ALK: variants seen among roughly 807,000 people sequenced by gnomAD.
The protein encoded by ALK is ALK tyrosine kinase receptor.
ALK carries 74 observed loss-of-function variants against 163.1 expected under a neutral mutation model. The observed-to-expected ratio is 0.45, with a 90% confidence interval of 0.38 to 0.55. The LOEUF (loss-of-function observed/expected upper bound fraction) is 0.55. ALK is among the 20% of genes least tolerant of loss of function. The probability of loss-of-function intolerance (pLI) is 0.00; values close to 1 mark genes in which losing one functional copy is unlikely to be tolerated. For missense variants in ALK, 2,063 were observed against 2,105.3 expected, an observed-to-expected ratio of 0.98 and a Z score of 0.39; for synonymous variants, 960 against 843.2, an observed-to-expected ratio of 1.14 and a Z score of -2.40.
chr2:29,232,233 T>G, intron 15 of ALK, 71 bp downstream of exon 15: 2 of 1,586,848 alleles, frequency 1.3e-6, no homozygotes, highest in Non-Finnish European at 1.7e-6. Flanking sequence ...CCCTCAGGCA[T>G]GCGATGGCAT....
At chr2:29,284,118 T>C (rs752048782) in intron 9 of ALK, among the ~76,000 whole-genome samples, 1 of 151,992 alleles carries the variant, frequency 6.6e-6, no homozygotes, top group Non-Finnish European at 1.5e-5. Context: ...TAATGAAAAG[T>C]CTTGGAGAAT....
intron 1 of ALK, among the ~76,000 whole-genome samples, chr2:29,859,071 G>C (rs1291430094): frequency 7.4e-6 from 1 of 135,158 alleles, no homozygotes; most frequent in Non-Finnish European, 1.6e-5. Flanking sequence ...CAAAAGTTCT[G>C]ACCCAGTTGA....
At chr2:29,245,698 C>T (rs1664650674) in intron 12 of ALK, among the ~76,000 whole-genome samples, 2 of 137,678 alleles carry the variant, frequency 1.5e-5, no homozygotes, top group Non-Finnish European at 3.1e-5. Flanking sequence ...CTTTATGGCT[C>T]AATGCCCTGC....
At chr2:29,285,937 A>G (rs1308615040) in intron 9 of ALK, among the ~76,000 whole-genome samples, 1 of 152,120 alleles carries the variant, frequency 6.6e-6, no homozygotes, top group Admixed American at 6.5e-5. Flanking sequence ...TCTCTCCCAA[A>G]AAGATTTCTC....
At chr2:29,266,381 T>C (rs1272118694) in intron 11 of ALK, among the ~76,000 whole-genome samples, 1 of 152,252 alleles carries the variant, frequency 6.6e-6, no homozygotes, top group African/African-American at 2.4e-5. Context: ...TACACAAAAG[T>C]GTGCACAACT....
chr2:29,507,369 G>C (rs1187003802), intron 4 of ALK, among the ~76,000 whole-genome samples: 1 of 152,176 alleles, frequency 6.6e-6, no homozygotes, highest in Non-Finnish European at 1.5e-5. Flanking sequence ...CCTGGGGTTG[G>C]AGGTAGGGGG....
chr2:29,887,043 GT>G (rs1254078366), intron 1 of ALK, among the ~76,000 whole-genome samples: 1 of 152,162 alleles, frequency 6.6e-6, no homozygotes, highest in African/African-American at 2.4e-5. Context: ...GTTTTGTCCA[GT>G]GCTTTCACAT....
At chr2:29,654,080 T>C (rs1339377652) in intron 3 of ALK, among the ~76,000 whole-genome samples, 1 of 152,084 alleles carries the variant, frequency 6.6e-6, no homozygotes, top group African/African-American at 2.4e-5. Flanking sequence ...AATAATAATA[T>C]ACAGAATTGT....
Position 29,800,781 on chromosome 2 carries a change from G to A in ALK, c.668-83084C>T, listed in dbSNP as rs572619542. On this transcript the variant is annotated intron_variant, in intron 1 of 28. Coordinates refer to ENST00000389048, the MANE Select transcript of ALK (RefSeq NM_004304.5). ...CCACCAAGGTAAAACAGGCAGAGAG[G>A]AAGAACCACAATATTCCCAACGCAT... is the stretch of plus-strand genomic sequence containing the variant. Among the ~76,000 whole-genome samples, 11 of 152,324 alleles carry A rather than the reference G, an allele frequency of 7.2e-5. 1 individual carries two copies. In the South Asian group the frequency reaches 2.3e-3, roughly 32 times the overall value.
chr2:29,880,790 C>G (rs1666844531), intron 1 of ALK, among the ~76,000 whole-genome samples: 1 of 152,170 alleles, frequency 6.6e-6, no homozygotes, highest in Admixed American at 6.5e-5. Context: ...ATGGAGCAAC[C>G]ATGGGGCTAT....
chr2:29,393,742 A>G (rs774769155), intron 4 of ALK, among the ~76,000 whole-genome samples: 2 of 152,214 alleles, frequency 1.3e-5, no homozygotes, highest in Non-Finnish European at 2.9e-5. Context: ...ATGGGTAAGG[A>G]AAAGTGACAC....
chr2:29,476,371 C>A (rs1265162449), intron 4 of ALK, among the ~76,000 whole-genome samples: 1 of 152,202 alleles, frequency 6.6e-6, no homozygotes, highest in Non-Finnish European at 1.5e-5. Flanking sequence ...TCATTTTAAA[C>A]ACCAACATTC....
chr2:29,600,363 G>T (rs557290060), intron 3 of ALK, among the ~76,000 whole-genome samples: 2 of 152,180 alleles, frequency 1.3e-5, no homozygotes, highest in African/African-American at 4.8e-5. Context: ...GATAAAGGAC[G>T]TAATAACATC....
At chr2:29,775,256 C>A in intron 1 of ALK, among the ~76,000 whole-genome samples, 1 of 152,184 alleles carries the variant, frequency 6.6e-6, no homozygotes, top group East Asian at 1.9e-4. Flanking sequence ...TCCCTTCCAA[C>A]TCTCAGGTCT....
At chr2:29,196,932 A>T (rs2148142202) in intron 27 of ALK, 72 bp from the exon 28 acceptor site, 1 of 1,356,490 alleles carries the variant, frequency 7.4e-7, no homozygotes, top group East Asian at 2.3e-5. Context: ...TTCCAGCCCC[A>T]GGGTTGCAAC....
intron 3 of ALK, among the ~76,000 whole-genome samples, chr2:29,629,820 G>A (rs1676306119): frequency 6.6e-6 from 1 of 152,248 alleles, no homozygotes; most frequent in South Asian, 2.1e-4. Context: ...GTCACACTGA[G>A]GCAGGTGATA....
rs149968229 is a variant in ALK at position 29,531,958 on chromosome 2, C to T, written c.1111G>A (p.Ala371Thr). The T allele has an allele frequency of 9.7e-5, 156 of 1,614,168 alleles. No individual in the cohort carries two copies. The East Asian group carries it at 2.9e-3, about 30-fold the overall frequency. Residue 371 changes from alanine (A) to threonine (T), a missense_variant, in exon 4 of 29, where the codon GCT (alanine) becomes ACT (threonine). By Grantham distance (58) the Ala-to-Thr change is moderately conservative (BLOSUM62 0). Coordinates refer to ENST00000389048, the MANE Select transcript of ALK (RefSeq NM_004304.5). ...YIAQLLPHNEAAREILLMPTP... is the reference protein window; with the variant it reads ...YIAQLLPHNETAREILLMPTP... ...GGCATCAGGAGGATCTCTCTTGCAG[C>T]CTCGTTGTGGGGCAGCAGCTGGGCA... is the stretch of plus-strand genomic sequence containing the variant.
chr2:29,341,672 A>G (rs192686818), intron 5 of ALK, among the ~76,000 whole-genome samples: 3 of 152,178 alleles, frequency 2.0e-5, no homozygotes, highest in Admixed American at 1.3e-4. Context: ...TGCAAAACAG[A>G]CTCCAACCTA....
At chr2:29,324,323 G>A (rs897951000) in intron 6 of ALK, among the ~76,000 whole-genome samples, 2 of 152,122 alleles carry the variant, frequency 1.3e-5, no homozygotes, top group African/African-American at 4.8e-5. Flanking sequence ...TGACAACTCT[G>A]TTAACATTTT....
Sources: gnomAD v4.1 joint callset for allele counts (sites outside exome capture counted in the v4.1 genomes callset) on GRCh38, gnomAD v4.1.1 for gene constraint, MANE v1.5 for transcripts, NCBI Gene and HGNC (gene_info 2026-07-23, HGNC 2026-07-21) for gene names.